Variants in VPS54 observed in about 807,000 individuals in gnomAD.
VPS54 encodes VPS54 subunit of GARP complex.
In VPS54, 45 loss-of-function variants were observed where a neutral mutation model predicts 121.5. The ratio of observed to expected loss-of-function variants is 0.37; its 90% CI spans 0.29 to 0.47. The LOEUF (loss-of-function observed/expected upper bound fraction) is 0.47. Among genes scored for constraint, VPS54 ranks in the 20% least tolerant of loss-of-function variants. VPS54 has a pLI of 0.99. For missense variants in VPS54, 1,090 were observed against 1,131.4 expected, an observed-to-expected ratio of 0.96 and a Z score of 0.52; for synonymous variants, 371 against 385.8, an observed-to-expected ratio of 0.96 and a Z score of 0.45.
rs1320073990 is a variant in VPS54 at position 63,919,864 on chromosome 2, T to A, written c.2164+19A>T. 3 of 1,551,962 alleles carry A rather than the reference T, an allele frequency of 1.9e-6. No individual in the cohort carries two copies. Reference sequence around the variant, plus strand: ...AACAATATAAAATTGAAAGAGAATGTGTGAATGAATACACATACCTCCTGA... The same window carrying A: ...AACAATATAAAATTGAAAGAGAATGAGTGAATGAATACACATACCTCCTGA... On this transcript the variant is annotated intron_variant, in intron 15 of 22. Transcript: ENST00000272322.
At chr2:63,945,212 A>C (rs1674922909) in intron 9 of VPS54, among the ~76,000 whole-genome samples, 1 of 152,238 alleles carries the variant, frequency 6.6e-6, no homozygotes, top group South Asian at 2.1e-4. Flanking sequence ...GCAGCCATAA[A>C]AAAAACAATG....
Position 63,952,748 on chromosome 2 carries a change from T to A in VPS54, c.1011-3585A>T, listed in dbSNP as rs545274276. 1.4e-4 allele frequency among the ~76,000 whole-genome samples: 21 copies of A among 152,280 alleles called. No individual in the cohort carries two copies. The South Asian group carries it at 4.1e-3, about 30-fold the overall frequency. ...CATCAATATCTTACAGTAGACTAAT[T>A]TAGAATATTTCCACCAGTACAAACT... is the stretch of plus-strand genomic sequence containing the variant. On this transcript the variant is annotated intron_variant, in intron 7 of 22. Transcript: ENST00000272322.
chr2:63,936,727 G>A (rs1244525086), intron 11 of VPS54, among the ~76,000 whole-genome samples: 1 of 152,086 alleles, frequency 6.6e-6, no homozygotes, highest in Non-Finnish European at 1.5e-5. Context: ...CGTAAAGAAT[G>A]AAGTATGGAA....
chr2:63,919,016 C>A (rs563166475), intron 15 of VPS54, among the ~76,000 whole-genome samples: 2 of 152,052 alleles, frequency 1.3e-5, no homozygotes, highest in Non-Finnish European at 2.9e-5. Flanking sequence ...GTGAAGTATA[C>A]AATTTAAAAC....
At chr2:63,959,443 A>G (rs1675649387) in intron 7 of VPS54, among the ~76,000 whole-genome samples, 1 of 152,214 alleles carries the variant, frequency 6.6e-6, no homozygotes. Context: ...ACAGTTATAA[A>G]TATATTGGAA....
At position 63,975,034 on chromosome 2, in the gene VPS54, G is replaced by C. The variant is rs529100729; in HGVS notation, c.379-2790C>G. On this transcript the variant is annotated intron_variant, in intron 3 of 22. Transcript: ENST00000272322. ...GCATCTAGTTTCCCCATTAGCTACA[G>C]AGTTTTTGTAGATTTTTTTTTTCTT... The C allele has an allele frequency of 3.2e-5, 50 of 1,548,946 alleles. No individual in the cohort carries two copies. In the African/African-American group the frequency reaches 5.6e-4, roughly 17 times the overall value.
chr2:63,972,034 A>C (rs114531504), intron 4 of VPS54, 132 bp downstream of exon 4: 6 of 458,336 alleles, frequency 1.3e-5, no homozygotes, highest in Admixed American at 1.2e-4. Flanking sequence ...AAAATATTAT[A>C]ATCATAGGTT....
At chr2:63,930,690 A>T (rs1027431594) in intron 12 of VPS54, among the ~76,000 whole-genome samples, 5 of 152,204 alleles carry the variant, frequency 3.3e-5, no homozygotes, top group Non-Finnish European at 7.4e-5. Context: ...AAAAAAATAA[A>T]GGGTATTCAA....
At chr2:63,982,982 G>T (rs189257931) in intron 2 of VPS54, among the ~76,000 whole-genome samples, 1 of 152,240 alleles carries the variant, frequency 6.6e-6, no homozygotes, top group East Asian at 1.9e-4. Context: ...ATATTAAGGA[G>T]TCAGGAGAAT....
intron 1 of VPS54, among the ~76,000 whole-genome samples, chr2:64,006,423 CAGTT>C (rs762161512): frequency 6.6e-6 from 1 of 152,206 alleles, no homozygotes; most frequent in Non-Finnish European, 1.5e-5. Context: ...GCCATACAAT[CAGTT>C]AGATCACTGT....
At chr2:64,015,231 G>T (rs1320468854) in intron 1 of VPS54, among the ~76,000 whole-genome samples, 1 of 152,080 alleles carries the variant, frequency 6.6e-6, no homozygotes, top group Non-Finnish European at 1.5e-5. Context: ...CAAATTTGCA[G>T]TAAATTAAGT....
chr2:63,932,638 C>G (rs1490280833), intron 12 of VPS54, among the ~76,000 whole-genome samples: 1 of 147,940 alleles, frequency 6.8e-6, no homozygotes, highest in Admixed American at 6.7e-5. Context: ...ACATGTAACC[C>G]AGAACTTAAA....
rs1675964885 is a variant in VPS54, at chr2:63,965,774, A to G, written c.624+61T>C. ...TACTAAATAACTAAATCTGAACCCA[A>G]GCAAACAGTACCGCTTAACTAGAAT... On this transcript the variant is annotated intron_variant, in intron 6 of 22. Transcript: ENST00000272322. The G allele has an allele frequency of 2.5e-6, 4 of 1,577,192 alleles. No individual in the cohort carries two copies. The African/African-American group carries it at 5.5e-5, about 22-fold the overall frequency.
intron 22 of VPS54, among the ~76,000 whole-genome samples, chr2:63,894,385 A>T (rs1415404134): frequency 6.6e-6 from 1 of 152,208 alleles, no homozygotes; most frequent in African/African-American, 2.4e-5. Context: ...ATTTATCACT[A>T]GGGGAAATGT....
chr2:63,988,714 G>A lies in VPS54; in HGVS notation c.-20-4695C>T, dbSNP rs185484053. ...TCATCTTCGTAAAATGAGGATGTAT[G>A]TCACCTCGGGACCCTGTGATGATTG... On this transcript the variant is annotated intron_variant, in intron 1 of 22. Transcript: ENST00000272322. Among the ~76,000 whole-genome samples, 267 of 152,186 alleles carry A rather than the reference G, an allele frequency of 1.8e-3. 1 individual carries two copies. Among genetic ancestry groups the A allele is most frequent in the African/African-American group, 5.7e-3 (238 of 41,510 alleles).
intron 20 of VPS54, among the ~76,000 whole-genome samples, chr2:63,910,464 T>C (rs932407933): frequency 6.6e-5 from 10 of 152,178 alleles, no homozygotes; most frequent in Admixed American, 2.6e-4. Flanking sequence ...CAAATTATTA[T>C]AAAAAGACAT....
At chr2:64,016,039 C>A in intron 1 of VPS54, among the ~76,000 whole-genome samples, 1 of 152,184 alleles carries the variant, frequency 6.6e-6, no homozygotes, top group East Asian at 1.9e-4. Flanking sequence ...GGTTCTTGAG[C>A]CACACATCCT....
Position 63,912,617 on chromosome 2 carries a change from C to T in VPS54, c.2467G>A (p.Val823Met). 2.5e-6 allele frequency: 4 copies of T among 1,595,314 alleles called. No homozygotes were observed. The highest frequency in any genetic ancestry group is 3.4e-6 in the Non-Finnish European group (4 of 1,175,706). The change falls in exon 19 of 23, where the codon GTG becomes ATG. Residue 823 changes from valine (V) to methionine (M), a missense_variant. Physicochemically the swap from Val to Met is conservative, Grantham distance 21. This residue lies in a region of VPS54 where 289 missense variants were observed against 374.4 expected (regional missense o/e 0.77). Transcript: ENST00000272322. ...CLQLIVHYIP[V>M]IRAHFEARLP... ...CGAGCTTCAAAATGAGCCCGGATCA[C>T]AGGAATGTAGTGCACAATTAACTGC... is the stretch of plus-strand genomic sequence containing the variant.
chr2:63,992,636 T>C (rs1677382545), intron 1 of VPS54, among the ~76,000 whole-genome samples: 1 of 152,244 alleles, frequency 6.6e-6, no homozygotes, highest in Non-Finnish European at 1.5e-5. Context: ...ACTTAGAAAT[T>C]TGGAACCTTC....
Sources: allele counts gnomAD v4.1 joint callset (sites outside exome capture counted in the v4.1 genomes callset), GRCh38; gene constraint gnomAD v4.1.1; regional missense constraint gnomAD v4.1.1; transcripts MANE v1.5; gene names NCBI Gene and HGNC (gene_info 2026-07-23, HGNC 2026-07-21).